PLA2R1: variants seen among roughly 807,000 people sequenced by gnomAD.
The protein encoded by PLA2R1 is secretory phospholipase A2 receptor.
In PLA2R1, 158 loss-of-function variants were observed where a neutral mutation model predicts 195.9. That is an observed-to-expected ratio of 0.81 (90% CI 0.71 to 0.92). PLA2R1 has a LOEUF of 0.92. PLA2R1 is among the 40% of genes least tolerant of loss of function. The pLI is 0.00. For synonymous variants in PLA2R1, 586 were observed against 598.2 expected (o/e 0.98, Z 0.30); for missense variants, 1,626 against 1,764.6 (o/e 0.92, Z 1.41).
chr2:160,004,557 T>A (rs968841788), intron 11 of PLA2R1, among the ~76,000 whole-genome samples: 22 of 152,292 alleles, frequency 1.4e-4, no homozygotes, highest in African/African-American at 5.1e-4. Context: ...AATAGACCAA[T>A]TTGTATAAAG....
At chr2:159,951,233 A>T in intron 24 of PLA2R1, 107 bp downstream of exon 24, 1 of 697,898 alleles carries the variant, frequency 1.4e-6, no homozygotes, top group Non-Finnish European at 2.6e-6. Flanking sequence ...ATTTATTAAT[A>T]TTTTTGGGAT....
In PLA2R1 at chr2:159,956,496, C is replaced by A. The variant is rs747952988; in HGVS notation, c.3022+14G>T. 7.2e-7 allele frequency: 1 copy of A among 1,393,042 alleles called. No homozygotes were observed. Among genetic ancestry groups the A allele is most frequent in the Non-Finnish European group, 1.0e-6 (1 of 978,222 alleles). 86.3% of individuals were successfully genotyped at this position (1,393,042 alleles called of 1,614,324 possible). A position where few individuals can be genotyped will look rare whatever the true frequency, so the allele number is the denominator to read the frequency against. ...AATGGTTATCTTGGCCTGGTTGGAT[C>A]TTGAGTACTCTACCTTGCTCCACCT... On this transcript the variant is annotated intron_variant, in intron 21 of 29. Transcript: ENST00000283243.
chr2:159,938,514 C>G lies in PLA2R1; in HGVS notation c.*3264G>C, dbSNP rs1445404365. The G allele has an allele frequency of 6.6e-6, 1 of 152,206 alleles. No homozygotes were observed. Among genetic ancestry groups the G allele is most frequent in the South Asian group, 2.1e-4 (1 of 4,832 alleles). 9.4% of individuals were successfully genotyped at this position (152,206 alleles called of 1,614,324 possible). On this transcript the variant is annotated 3_prime_UTR_variant, in exon 30 of 30. Coordinates refer to ENST00000283243, the MANE Select transcript of PLA2R1 (RefSeq NM_007366.5). The stretch of plus-strand genomic sequence containing the variant: ...CCTTGTAGCCAAGAACTGCAGTGTT[C>G]GGATAGGGAATTCAACAGGAGACAC...
chr2:159,968,894 G>A (rs1438282329), intron 19 of PLA2R1, among the ~76,000 whole-genome samples: 1 of 152,152 alleles, frequency 6.6e-6, no homozygotes, highest in Non-Finnish European at 1.5e-5. Flanking sequence ...TAAAGTTCTG[G>A]CCCATTATAA....
At chr2:159,924,215 C>G in the PLA2R1 span, among the ~76,000 whole-genome samples, 4 of 152,196 alleles carry the variant, frequency 2.6e-5, no homozygotes, top group African/African-American at 9.7e-5. Context: ...CTCTGACTGC[C>G]TCTTTTAAGG....
rs1389129513 is a variant in PLA2R1 at position 159,949,752 on chromosome 2, C to T, written c.3565G>A (p.Asp1189Asn). ...TDNGLNFDWS[D>N]GTKSSFTFWK... is the part of the protein sequence containing the mutation. ...AAAGTGAAAGAAGATTTGGTGCCAT[C>T]AGACCAGTCAAAATTAAGACCATTC... Residue 1189 changes from aspartate (D) to asparagine (N), a missense_variant, in exon 25 of 30, where the codon GAT (aspartate) becomes AAT (asparagine). Physicochemically the swap from Asp to Asn is conservative, Grantham distance 23. Coordinates refer to ENST00000283243, the MANE Select transcript of PLA2R1 (RefSeq NM_007366.5). The T allele has an allele frequency of 1.2e-6, 2 of 1,613,902 alleles. No individual in the cohort carries two copies. Among genetic ancestry groups the T allele is most frequent in the Non-Finnish European group, 1.7e-6 (2 of 1,179,822 alleles).
intron 20 of PLA2R1, among the ~76,000 whole-genome samples, chr2:159,964,036 G>A (rs1026480477): frequency 4.6e-5 from 7 of 151,946 alleles, no homozygotes; most frequent in African/African-American, 1.5e-4. Context: ...ACACACACAC[G>A]CCCGTGCCAC....
chr2:159,971,981 T>G (rs879934110), intron 17 of PLA2R1, among the ~76,000 whole-genome samples: 3 of 152,198 alleles, frequency 2.0e-5, no homozygotes, highest in South Asian at 2.1e-4. Flanking sequence ...TTGTCAGACG[T>G]TGGAATGGGT....
chr2:160,002,737 C>T (rs1691687607), intron 11 of PLA2R1, among the ~76,000 whole-genome samples: 1 of 152,004 alleles, frequency 6.6e-6, no homozygotes, highest in Admixed American at 6.5e-5. Context: ...GCAAACTAAA[C>T]CCAGAGATGT....
rs1686921270 is a variant in PLA2R1 at position 159,938,159 on chromosome 2, A to G, written c.*3619T>C. On this transcript the variant is annotated 3_prime_UTR_variant, in exon 30 of 30. Transcript: ENST00000283243. The stretch of plus-strand genomic sequence containing the variant: ...CCCAGTTTGAGGACTTTTGACTTAG[A>G]GGATTTCAACAGCCTGTGGAAGCTC... The G allele has an allele frequency of 6.6e-6, 1 of 152,252 alleles. No individual in the cohort carries two copies. The highest frequency in any genetic ancestry group is 2.4e-5 in the African/African-American group (1 of 41,464). 9.4% of individuals were successfully genotyped at this position (152,252 alleles called of 1,614,324 possible). A position where few individuals can be genotyped will look rare whatever the true frequency, so the allele number is the denominator to read the frequency against.
intron 11 of PLA2R1, among the ~76,000 whole-genome samples, chr2:159,993,657 T>C (rs147079823): frequency 8.2e-4 from 125 of 152,030 alleles, no homozygotes; most frequent in Middle Eastern, 3.4e-3. Context: ...TCATACCAGA[T>C]AGCAAGGACA....
intron 20 of PLA2R1, among the ~76,000 whole-genome samples, chr2:159,957,330 A>T (rs1024458473): frequency 6.6e-6 from 1 of 152,140 alleles, no homozygotes. Flanking sequence ...TCATGTCTGC[A>T]TCATGGCAGA....
chr2:160,029,973 G>A (rs6715928), intron 4 of PLA2R1, among the ~76,000 whole-genome samples: 5,598 of 152,276 alleles, frequency 0.037, 309 homozygotes, highest in African/African-American at 0.12. Flanking sequence ...GTTATAAACA[G>A]GGTGACCGTA....
At chr2:159,978,612 C>T (rs781472994) in intron 14 of PLA2R1, among the ~76,000 whole-genome samples, 1 of 152,148 alleles carries the variant, frequency 6.6e-6, no homozygotes, top group Non-Finnish European at 1.5e-5. Flanking sequence ...CTATGTGTCA[C>T]ATTTCTTTTT....
intron 12 of PLA2R1, 51 bp downstream of exon 12, chr2:159,987,105 A>C: frequency 7.1e-7 from 1 of 1,409,550 alleles, no homozygotes; most frequent in Non-Finnish European, 1.0e-6. Context: ...CATGGATCAA[A>C]TTAAAATAGT....
chr2:160,049,998 A>C lies in PLA2R1; in HGVS notation c.110-4841T>G, dbSNP rs540699095. Among the ~76,000 whole-genome samples, 247 of 152,296 alleles carry C rather than the reference A, an allele frequency of 1.6e-3. 1 individual carries two copies. Among genetic ancestry groups the C allele is most frequent in the African/African-American group, 5.6e-3 (234 of 41,570 alleles). On this transcript the variant is annotated intron_variant, in intron 1 of 29. Coordinates refer to ENST00000283243, the MANE Select transcript of PLA2R1 (RefSeq NM_007366.5). ...GGGAAAGCATCAGGATAAAGAGCTA[A>C]TGCATGTGGGCTTAATACCTAGATG...
At chr2:160,059,933 G>A (rs890982807) in intron 1 of PLA2R1, among the ~76,000 whole-genome samples, 24 of 152,152 alleles carry the variant, frequency 1.6e-4, no homozygotes, top group African/African-American at 5.8e-4. Flanking sequence ...CCCACAACAC[G>A]TGGGAATTCT....
At chr2:160,050,248 C>A (rs560438674) in intron 1 of PLA2R1, among the ~76,000 whole-genome samples, 1 of 151,536 alleles carries the variant, frequency 6.6e-6, no homozygotes, top group African/African-American at 2.4e-5. Flanking sequence ...GACAAGACCC[C>A]TCAGTGTCAC....
intron 4 of PLA2R1, among the ~76,000 whole-genome samples, chr2:160,031,808 C>G (rs921827355): frequency 2.2e-4 from 34 of 152,012 alleles, no homozygotes; most frequent in Non-Finnish European, 7.4e-5. Flanking sequence ...GTTCTGCCAC[C>G]CAGGCTGGAG....
Sources: allele counts gnomAD v4.1 joint callset (sites outside exome capture counted in the v4.1 genomes callset), GRCh38; gene constraint gnomAD v4.1.1; transcripts MANE v1.5; gene names NCBI Gene and HGNC (gene_info 2026-07-23, HGNC 2026-07-21).